Variants in HSPA9 observed in about 807,000 individuals in gnomAD.
HSPA9 encodes the protein stress-70 protein, mitochondrial.
Under a neutral mutation model 81.5 loss-of-function variants are expected in HSPA9, and 28 were observed. That is an observed-to-expected ratio of 0.34 (90% CI 0.25 to 0.47). The LOEUF is 0.47. Ranked by LOEUF, HSPA9 falls within the 20% of genes least tolerant of loss-of-function variation. The pLI, the probability that HSPA9 is intolerant of heterozygous loss-of-function variation, is 1.00. For synonymous variants in HSPA9, 293 were observed against 290.4 expected (o/e 1.01, Z -0.09); for missense variants, 678 against 838.0 (o/e 0.81, Z 2.36).
intron 9 of HSPA9, among the ~76,000 whole-genome samples, 165 bp from the exon 10 acceptor site, chr5:138,561,954 T>TC (rs1404175374): frequency 6.6e-6 from 1 of 151,970 alleles, no homozygotes; most frequent in East Asian, 1.9e-4. Flanking sequence ...CTTTTTTTTT[T>TC]TTTGAGACAG....
chr5:138,568,306 C>T (rs986725526), intron 5 of HSPA9, among the ~76,000 whole-genome samples: 13 of 151,894 alleles, frequency 8.6e-5, no homozygotes, highest in Non-Finnish European at 1.5e-4. Flanking sequence ...GGAGACCAGC[C>T]TGACCAACAT....
intron 9 of HSPA9, among the ~76,000 whole-genome samples, chr5:138,563,085 T>C (rs912155664): frequency 5.3e-5 from 8 of 152,232 alleles, no homozygotes; most frequent in South Asian, 4.1e-4. Context: ...ACACCATCTG[T>C]AGAATAGTGA....
chr5:138,573,475 A>C (rs1396192496), intron 3 of HSPA9, among the ~76,000 whole-genome samples: 14 of 151,950 alleles, frequency 9.2e-5, no homozygotes, highest in Admixed American at 9.2e-4. Context: ...AACACAGTGG[A>C]ACTGTCTCTA....
Position 138,567,003 on chromosome 5 carries a change from C to G in HSPA9, c.877G>C (p.Glu293Gln), listed in dbSNP as rs772083085. Residue 293 changes from glutamate (E) to glutamine (Q), a missense_variant and splice_region_variant, in exon 8 of 17, where the codon GAG becomes CAG. Physicochemically the swap from Glu to Gln is conservative, Grantham distance 29 (BLOSUM62 2). Around this residue, in one of 4 missense-constraint regions of HSPA9, gnomAD observed 484 missense variants for 647.5 expected, o/e 0.75. Transcript: ENST00000297185. ...TATTAACCACATTGGTAACTCACCT[C>G]TCTCTTGAACTCCTTCACAATGTGC... ...LRHIVKEFKR[E>Q]TGVDLTKDNM... 1.2e-6 allele frequency: 2 copies of G among 1,612,646 alleles called. No homozygotes were observed. Among genetic ancestry groups the G allele is most frequent in the Non-Finnish European group, 1.7e-6 (2 of 1,179,868 alleles).
At position 138,556,045 on chromosome 5, in the gene HSPA9, T is replaced by G; in HGVS notation, c.2032A>C (p.Lys678Gln). The G allele has an allele frequency of 6.2e-7, 1 of 1,611,798 alleles. No homozygotes were observed. Among genetic ancestry groups the G allele is most frequent in the South Asian group, 1.1e-5 (1 of 91,044 alleles). ...GEQKEDQKEEKQ is the reference protein window; with the variant it reads ...GEQKEDQKEEQQ ...CAAAATTTCTGCTATTATTACTGTT[T>G]TTCCTCCTTTTGATCTTCCTTTTGT... The change falls in exon 17 of 17, where the codon AAA (lysine) becomes CAA (glutamine). Residue 678 changes from lysine (K) to glutamine (Q), a missense_variant. Physicochemically the swap from Lys to Gln is moderately conservative, Grantham distance 53. Coordinates refer to ENST00000297185, the MANE Select transcript of HSPA9 (RefSeq NM_004134.7).
intron 5 of HSPA9, 128 bp from the exon 6 acceptor site, chr5:138,567,850 T>C (rs1750798266): frequency 2.7e-6 from 2 of 743,450 alleles, no homozygotes; most frequent in African/African-American, 1.7e-5. Flanking sequence ...TGACCTAATA[T>C]GTCCTTGCAG....
Position 138,555,391 on chromosome 5 carries a change from A to G in HSPA9, c.*646T>C, listed in dbSNP as rs1054226573. ...AAAAAATTCCAGAATGGGTAAGAGA[A>G]CAATCATCAAGGATGTAGGTGCCAG... On this transcript the variant is annotated 3_prime_UTR_variant, in exon 17 of 17. Transcript: ENST00000297185. 1 of 152,384 alleles carries G rather than the reference A, an allele frequency of 6.6e-6. No homozygotes were observed. The highest frequency in any genetic ancestry group is 2.4e-5 in the African/African-American group (1 of 41,450). 9.4% of individuals were successfully genotyped at this position (152,384 alleles called of 1,614,324 possible).
chr5:138,557,448 A>G lies in HSPA9; in HGVS notation c.1682T>C (p.Met561Thr). Residue 561 changes from methionine (M) to threonine (T), a missense_variant, in exon 14 of 17, where the codon ATG becomes ACG. Met to Thr is a moderately conservative substitution (Grantham distance 81, BLOSUM62 -1). This residue lies in a region of HSPA9 where 484 missense variants were observed against 647.5 expected (regional missense o/e 0.75). Coordinates refer to ENST00000297185, the MANE Select transcript of HSPA9 (RefSeq NM_004134.7). Reference sequence around the variant, plus strand: ...AGCATATTTCTCTGCATTTTTAACCATATTTTCAATATCATCTTTGCTTAA... The same window carrying G: ...AGCATATTTCTCTGCATTTTTAACCGTATTTTCAATATCATCTTTGCTTAA... ...GGLSKDDIEN[M>T]VKNAEKYAEE... 3 of 1,611,104 alleles carry G rather than the reference A, an allele frequency of 1.9e-6. No homozygotes were observed. The highest frequency in any genetic ancestry group is 2.5e-6 in the Non-Finnish European group (3 of 1,177,712).
intron 10 of HSPA9, 62 bp downstream of exon 10, chr5:138,561,518 G>A (rs1219204271): frequency 2.9e-6 from 4 of 1,372,734 alleles, no homozygotes; most frequent in African/African-American, 2.9e-5. Context: ...TGTGCCACCT[G>A]TCCCAAGAAT....
intron 11 of HSPA9, 71 bp downstream of exon 11, chr5:138,559,793 A>G: frequency 3.9e-6 from 4 of 1,019,044 alleles, no homozygotes; most frequent in Non-Finnish European, 6.2e-6. Context: ...AAAACTCATG[A>G]AAGTGGCTGC....
chr5:138,568,891 A>AG, intron 5 of HSPA9, 34 bp downstream of exon 5: 20 of 1,610,124 alleles, frequency 1.2e-5, no homozygotes, highest in Non-Finnish European at 1.7e-5. Flanking sequence ...CATTGTTCTT[A>AG]GAACTTTCCC....
At chr5:138,572,026 G>A (rs866251079) in intron 3 of HSPA9, among the ~76,000 whole-genome samples, 26 of 134,256 alleles carry the variant, frequency 1.9e-4, no homozygotes, top group South Asian at 7.0e-4. Flanking sequence ...GCACTGTCAC[G>A]GCTCACTGCA....
At position 138,575,248 on chromosome 5, in the gene HSPA9, G is replaced by C. The variant is rs1366160194; in HGVS notation, c.71C>G (p.Ala24Gly). The change falls in exon 1 of 17, where the codon GCC (alanine) becomes GGC (glycine). Residue 24 changes from alanine (A) to glycine (G), a missense_variant. Ala to Gly is a moderately conservative substitution (Grantham distance 60, BLOSUM62 0). This residue lies in a region of HSPA9 where 89 missense variants were observed against 70.4 expected (regional missense o/e 1.27). Coordinates refer to ENST00000297185, the MANE Select transcript of HSPA9 (RefSeq NM_004134.7). ...GTCCCAGTTCCTCACCTGGTGGCGG[G>C]CGGCCGTAGGGCCCCGGGAGGCTGC... Reference protein sequence around the residue: ...GAAASRGPTAARHQDSWNGLS... With the variant: ...GAAASRGPTAGRHQDSWNGLS... 6.2e-7 allele frequency: 1 copy of C among 1,603,938 alleles called. No homozygotes were observed. The highest frequency in any genetic ancestry group is 1.7e-5 in the Admixed American group (1 of 58,654).
intron 3 of HSPA9, 79 bp downstream of exon 3, chr5:138,573,684 T>G: frequency 1.9e-6 from 1 of 529,680 alleles, no homozygotes. Context: ...AATCAGGTTC[T>G]CAAATTCCTT....
At position 138,574,629 on chromosome 5, in the gene HSPA9, A is replaced by G. The variant is rs553855520; in HGVS notation, c.82-503T>C. ...ACAACTTAACCTCAGGCTCCTTCCA[A>G]GCCTTCCTTAATGCCCACATACAAT... On this transcript the variant is annotated intron_variant, in intron 1 of 16. Transcript: ENST00000297185. 69 of 170,850 alleles carry G rather than the reference A, an allele frequency of 4.0e-4. 1 individual carries two copies. In the South Asian group the frequency reaches 8.8e-3, roughly 22 times the overall value. 10.6% of individuals were successfully genotyped at this position (170,850 alleles called of 1,614,324 possible).
At chr5:138,571,882 G>C (rs534056296) in intron 3 of HSPA9, among the ~76,000 whole-genome samples, 2 of 149,636 alleles carry the variant, frequency 1.3e-5, no homozygotes, top group Admixed American at 6.7e-5. Flanking sequence ...GGCTGGTCTC[G>C]AACTCCTGAC....
At chr5:138,559,780 G>GA (rs1167664539) in intron 11 of HSPA9, 84 bp downstream of exon 11, 10 of 919,460 alleles carry the variant, frequency 1.1e-5, no homozygotes, top group African/African-American at 4.9e-5. Context: ...AAGTTTTCTA[G>GA]AAAAAACTCA....
chr5:138,566,187 T>TC (rs1331933933), intron 9 of HSPA9, among the ~76,000 whole-genome samples: 2 of 40,378 alleles, frequency 5.0e-5, no homozygotes, highest in East Asian at 1.4e-3. Flanking sequence ...AAACTCTGTC[T>TC]CAAAAAAAAA....
chr5:138,570,317 G>A (rs1580749482), intron 4 of HSPA9, among the ~76,000 whole-genome samples: 1 of 152,012 alleles, frequency 6.6e-6, no homozygotes, highest in South Asian at 2.1e-4. Flanking sequence ...CTATTGGGAG[G>A]GGGGAAGAAA....
Sources: allele counts gnomAD v4.1 joint callset (sites outside exome capture counted in the v4.1 genomes callset), GRCh38; gene constraint gnomAD v4.1.1; regional missense constraint gnomAD v4.1.1; transcripts MANE v1.5; gene names NCBI Gene and HGNC (gene_info 2026-07-23, HGNC 2026-07-21).